SHPRH: variants seen among roughly 807,000 people sequenced by gnomAD.
SHPRH encodes E3 ubiquitin-protein ligase SHPRH.
In SHPRH, 106 loss-of-function variants were observed where a neutral mutation model predicts 202.5. That is an observed-to-expected ratio of 0.52 (90% CI 0.45 to 0.62). The LOEUF is 0.62. SHPRH is among the 20% of genes least tolerant of loss of function. SHPRH has a pLI of 0.00. For missense variants in SHPRH, 1,710 were observed against 2,020.0 expected, an observed-to-expected ratio of 0.85 and a Z score of 2.94; for synonymous variants, 729 against 686.0, an observed-to-expected ratio of 1.06 and a Z score of -0.98.
chr6:145,905,225 G>A lies in SHPRH; in HGVS notation c.4515+5223C>T, dbSNP rs117060829. Reference sequence around the variant, plus strand: ...TTGAGATGCTGTGGCCAGAGGAAGAGAAAGAAGAGAAAAAAGGAAGGGCTA... The same window carrying A: ...TTGAGATGCTGTGGCCAGAGGAAGAAAAAGAAGAGAAAAAAGGAAGGGCTA... On this transcript the variant is annotated intron_variant, in intron 25 of 29. Transcript: ENST00000275233. The A allele has an allele frequency of 4.2e-3, 633 of 152,276 alleles. 18 individuals carry two copies. The East Asian group carries it at 0.071, about 17-fold the overall frequency. The allele number at this position is 152,276 out of a possible 1,614,324, so 9.4% of individuals were successfully genotyped here.
intron 14 of SHPRH, 71 bp downstream of exon 14, chr6:145,932,986 C>G: frequency 6.7e-7 from 1 of 1,494,762 alleles, no homozygotes; most frequent in Non-Finnish European, 9.1e-7. Flanking sequence ...AAATCAAAAT[C>G]TATTTTTTCT....
chr6:145,908,113 C>G (rs1344774992), intron 25 of SHPRH: 1 of 152,148 alleles, frequency 6.6e-6, no homozygotes, highest in Non-Finnish European at 1.5e-5. Context: ...TTTATGGATG[C>G]ATAGTATTAC....
intron 2 of SHPRH, among the ~76,000 whole-genome samples, chr6:145,864,816 A>T (rs1031556344): frequency 2.0e-5 from 3 of 152,212 alleles, no homozygotes; most frequent in Admixed American, 2.0e-4. Flanking sequence ...GTTCCTTTTG[A>T]ATTGCCACGT....
downstream of SHPRH, chr6:145,864,162 A>G (rs984903604): frequency 5.7e-6 from 1 of 174,078 alleles, no homozygotes; most frequent in Non-Finnish European, 1.3e-5. Flanking sequence ...CTTAAGACAA[A>G]TCTCTTAGGT....
chr6:145,961,092 C>T (rs532542372), intron 1 of SHPRH, among the ~76,000 whole-genome samples: 265 of 152,070 alleles, frequency 1.7e-3, no homozygotes, highest in Non-Finnish European at 4.3e-4. Context: ...CAATGCAGCC[C>T]GGTTCTAACA....
At chr6:145,872,011 T>C (rs149885593) in intron 2 of SHPRH, among the ~76,000 whole-genome samples, 1 of 152,298 alleles carries the variant, frequency 6.6e-6, no homozygotes, top group East Asian at 1.9e-4. Context: ...ATATTGAAAC[T>C]GGCACCTTCC....
At chr6:145,933,662 A>G (rs907357984) in intron 13 of SHPRH, among the ~76,000 whole-genome samples, 16 of 152,240 alleles carry the variant, frequency 1.1e-4, no homozygotes, top group African/African-American at 3.6e-4. Context: ...ATTTGTTCAT[A>G]TATCTTTTGA....
intron 14 of SHPRH, among the ~76,000 whole-genome samples, chr6:145,931,821 CCACA>C (rs1785484636): frequency 6.6e-6 from 1 of 151,974 alleles, no homozygotes. Flanking sequence ...CCACGTCTCC[CCACA>C]CAGACTTTGT....
At chr6:145,872,104 C>A (rs531096730) in intron 2 of SHPRH, among the ~76,000 whole-genome samples, 1 of 152,212 alleles carries the variant, frequency 6.6e-6, no homozygotes, top group African/African-American at 2.4e-5. Context: ...TAGAAGAAAA[C>A]CTGGGCAATA....
In SHPRH at chr6:145,923,700, C is replaced by A; in HGVS notation, c.3488G>T (p.Arg1163Leu). The change falls in exon 18 of 30, where the codon CGA becomes CTA. Residue 1163 changes from arginine to leucine, a missense_variant. This residue lies in a region of SHPRH where 288 missense variants were observed against 317.8 expected (regional missense o/e 0.91). Transcript: ENST00000275233. ...CTTGTAGTTGCTGGTTATTTCATTTCGCACTCGCTGAACTAGCTCCTCATC... is the reference window on the plus strand; with the variant it reads ...CTTGTAGTTGCTGGTTATTTCATTTAGCACTCGCTGAACTAGCTCCTCATC... ...TIDEELVQRV[R>L]NEITSNYKQQ... The A allele has an allele frequency of 1.9e-6, 3 of 1,611,974 alleles. No homozygotes were observed. The highest frequency in any genetic ancestry group is 2.5e-6 in the Non-Finnish European group (3 of 1,178,700).
At chr6:145,950,560 A>G (rs1190856409) in intron 3 of SHPRH, 78 bp from the exon 4 acceptor site, 7 of 1,391,468 alleles carry the variant, frequency 5.0e-6, no homozygotes, top group Non-Finnish European at 7.0e-6. Flanking sequence ...CTAAGAGCAT[A>G]CAATGAACTT....
chr6:145,950,172 G>A (rs975553641), intron 4 of SHPRH, 92 bp downstream of exon 4: 64 of 1,006,268 alleles, frequency 6.4e-5, no homozygotes, highest in Non-Finnish European at 8.5e-5. Context: ...TTTTCAGGAT[G>A]TTTATTTTAA....
At chr6:145,963,259 A>G (rs1789289040) in intron 1 of SHPRH, among the ~76,000 whole-genome samples, 1 of 152,228 alleles carries the variant, frequency 6.6e-6, no homozygotes, top group Non-Finnish European at 1.5e-5. Flanking sequence ...GATCGTTTCT[A>G]TTCAAGAGTT....
Position 145,886,057 on chromosome 6 carries a change from C to T in SHPRH, c.*634G>A. 1 of 160,658 alleles carries T rather than the reference C, an allele frequency of 6.2e-6. No individual in the cohort carries two copies. The highest frequency in any genetic ancestry group is 6.2e-5 in the Admixed American group (1 of 16,190). 10.0% of individuals were successfully genotyped at this position (160,658 alleles called of 1,614,324 possible). On this transcript the variant is annotated 3_prime_UTR_variant, in exon 30 of 30. Coordinates refer to ENST00000275233, the MANE Select transcript of SHPRH (RefSeq NM_001042683.3). ...CTGTTTACACTAACACCACTTTACA[C>T]ATAATAGAAATATGAATATTTTCAT...
intron 4 of SHPRH, among the ~76,000 whole-genome samples, chr6:145,949,607 T>G (rs1001876815): frequency 6.6e-6 from 1 of 151,744 alleles, no homozygotes; most frequent in Non-Finnish European, 1.5e-5. Context: ...GGATGAAAAA[T>G]TACATAGTGG....
At chr6:145,936,491 TA>T (rs886347341) in intron 11 of SHPRH, among the ~76,000 whole-genome samples, 4 of 152,094 alleles carry the variant, frequency 2.6e-5, no homozygotes, top group African/African-American at 7.2e-5. Flanking sequence ...CATGCCTGGC[TA>T]ATTTTTTTAT....
In SHPRH at chr6:145,943,356, A is replaced by G; in HGVS notation, c.2025T>C (p.Val675=). The part of the protein sequence containing the change: ...ELDQIDRKPR[V]QCLKCHLWQH... ...GCCACAGGTGACACTTCAGGCATTG[A>G]ACACGAGGCTTACGATCTATCTGAT... is the stretch of plus-strand genomic sequence containing the variant. Residue 675 remains valine, a synonymous_variant, in exon 9 of 30, where the codon GTT becomes GTC. Transcript: ENST00000275233. The G allele has an allele frequency of 6.2e-7, 1 of 1,613,968 alleles. No individual in the cohort carries two copies. Among genetic ancestry groups the G allele is most frequent in the Non-Finnish European group, 8.5e-7 (1 of 1,179,956 alleles).
chr6:145,958,999 ACT>A (rs1491438177), intron 1 of SHPRH, among the ~76,000 whole-genome samples: 2 of 151,750 alleles, frequency 1.3e-5, no homozygotes, highest in Non-Finnish European at 2.9e-5. Flanking sequence ...TGCCCAGCTA[ACT>A]TTTTTTTTGT....
chr6:145,901,651 G>T (rs1782515164), intron 25 of SHPRH, among the ~76,000 whole-genome samples: 1 of 152,100 alleles, frequency 6.6e-6, no homozygotes, highest in African/African-American at 2.4e-5. Flanking sequence ...GGAATGTTAT[G>T]CATTAGGGAA....
Sources: gnomAD v4.1 joint callset for allele counts (sites outside exome capture counted in the v4.1 genomes callset) on GRCh38, gnomAD v4.1.1 for gene constraint, gnomAD v4.1.1 regional missense constraint, MANE v1.5 for transcripts, NCBI Gene and HGNC (gene_info 2026-07-23, HGNC 2026-07-21) for gene names.